TATDN2: variants seen among roughly 807,000 people sequenced by gnomAD.
The protein encoded by TATDN2 is TatD DNase domain containing 2.
A neutral mutation model predicts 60.3 loss-of-function variants in TATDN2; 44 were observed. The observed-to-expected ratio is 0.73, with a 90% CI of 0.57 to 0.94. The LOEUF is 0.94. Ranked by LOEUF, TATDN2 falls within the 40% of genes least tolerant of loss-of-function variation. The pLI, the probability that TATDN2 is intolerant of heterozygous loss-of-function variation, is 0.00. For synonymous variants in TATDN2, 399 were observed against 355.8 expected, an observed-to-expected ratio of 1.12 and a Z score of -1.37; for missense variants, 997 against 948.0, an observed-to-expected ratio of 1.05 and a Z score of -0.68.
In TATDN2 at chr3:10,249,304, C is replaced by G. The variant is rs142864918; in HGVS notation, c.104C>G (p.Ser35Cys). The G allele has an allele frequency of 8.7e-6, 14 of 1,606,950 alleles. No homozygotes were observed. Among genetic ancestry groups the G allele is most frequent in the Non-Finnish European group, 1.1e-5 (13 of 1,175,428 alleles). ...CLREPCDVAPSSRPAQRSASR... is the reference protein window; with the variant it reads ...CLREPCDVAPCSRPAQRSASR... ...CGGGAGCCCTGTGATGTGGCCCCCT[C>G]CAGCCGGCCAGCTCAGAGGTCTGCG... The change falls in exon 2 of 8, where the codon TCC becomes TGC. Residue 35 changes from serine to cysteine, a missense_variant. Ser to Cys is a moderately radical substitution (Grantham distance 112, BLOSUM62 -1). Transcript: ENST00000448281.
At chr3:10,265,051 T>C (rs1425982386) in intron 3 of TATDN2, among the ~76,000 whole-genome samples, 1 of 141,832 alleles carries the variant, frequency 7.1e-6, no homozygotes, top group Non-Finnish European at 1.5e-5. Flanking sequence ...GTGGTTTTTT[T>C]TTTTTTTTAT....
rs1698176268 is a variant in TATDN2, at chr3:10,248,961, C to T, written c.-113C>T. The T allele has an allele frequency of 2.3e-6, 1 of 429,192 alleles. No individual in the cohort carries two copies. The highest frequency in any genetic ancestry group is 4.0e-6 in the Non-Finnish European group (1 of 251,438). 26.6% of individuals were successfully genotyped at this position (429,192 alleles called of 1,614,324 possible). A position where few individuals can be genotyped will look rare whatever the true frequency, so the allele number is the denominator to read the frequency against. On this transcript the variant is annotated 5_prime_UTR_variant, in exon 1 of 8. Coordinates refer to ENST00000448281, the MANE Select transcript of TATDN2 (RefSeq NM_014760.4). ...CAGAAGCACGTTGTGGGCTTGGAAA[C>T]CGACGGCAGCCTTTAGTCAATTTTG...
At chr3:10,273,436 T>G (rs1698594132) in intron 4 of TATDN2, among the ~76,000 whole-genome samples, 1 of 152,148 alleles carries the variant, frequency 6.6e-6, no homozygotes, top group African/African-American at 2.4e-5. Flanking sequence ...TCCTGCTGAA[T>G]GTTTTATCTT....
chr3:10,280,713 C>G lies in TATDN2; in HGVS notation c.*1531C>G, dbSNP rs546547772. The G allele has an allele frequency of 6.5e-6, 1 of 153,900 alleles. No individual in the cohort carries two copies. Among genetic ancestry groups the G allele is most frequent in the South Asian group, 2.1e-4 (1 of 4,826 alleles). 9.5% of individuals were successfully genotyped at this position (153,900 alleles called of 1,614,324 possible). A position where few individuals can be genotyped will look rare whatever the true frequency, so the allele number is the denominator to read the frequency against. ...TGGAACTCAGCCTTGATTCACTGTC[C>G]GTCTTCACGGATTAGCTGTGCTGTT... On this transcript the variant is annotated 3_prime_UTR_variant, in exon 8 of 8. Transcript: ENST00000448281.
In TATDN2 at chr3:10,249,370, C is replaced by T. The variant is rs1021665733; in HGVS notation, c.170C>T (p.Ala57Val). 1.9e-6 allele frequency: 3 copies of T among 1,613,052 alleles called. No homozygotes were observed. The highest frequency in any genetic ancestry group is 1.1e-5 in the South Asian group (1 of 90,936). Residue 57 changes from alanine (A) to valine (V), a missense_variant, in exon 2 of 8, where the codon GCC (alanine) becomes GTC (valine). By Grantham distance (64) the Ala-to-Val change is moderately conservative. Coordinates refer to ENST00000448281, the MANE Select transcript of TATDN2 (RefSeq NM_014760.4). ...GGPSSPKRLK[A>V]QKEDDVACSR... is the part of the protein sequence containing the mutation. ...CCCAGCAGCCCCAAGCGCCTGAAAG[C>T]CCAGAAGGAGGACGATGTGGCTTGC...
intron 2 of TATDN2, among the ~76,000 whole-genome samples, chr3:10,251,129 G>T (rs1320802933): frequency 6.6e-6 from 1 of 152,144 alleles, no homozygotes; most frequent in African/African-American, 2.4e-5. Flanking sequence ...AATGGTTTCA[G>T]TAGAAGCACT....
intron 2 of TATDN2, among the ~76,000 whole-genome samples, chr3:10,251,019 T>C (rs1166188071): frequency 1.3e-5 from 2 of 152,118 alleles, no homozygotes; most frequent in African/African-American, 2.4e-5. Context: ...GGAACTCAGG[T>C]TTGAGGGTGT....
At chr3:10,259,886 C>A (rs1461920683) in intron 2 of TATDN2, among the ~76,000 whole-genome samples, 1 of 152,166 alleles carries the variant, frequency 6.6e-6, no homozygotes, top group African/African-American at 2.4e-5. Context: ...TGAGAGTGTT[C>A]ATTTCAGCTC....
chr3:10,279,144 A>G lies in TATDN2; in HGVS notation c.*39-77A>G, dbSNP rs773276248. 5 of 1,327,776 alleles carry G rather than the reference A, an allele frequency of 3.8e-6. No homozygotes were observed. The African/African-American group carries it at 5.9e-5, about 16-fold the overall frequency. 82.2% of individuals were successfully genotyped at this position (1,327,776 alleles called of 1,614,324 possible). A position where few individuals can be genotyped will look rare whatever the true frequency, so the allele number is the denominator to read the frequency against. On this transcript the variant is annotated intron_variant, in intron 7 of 7. Transcript: ENST00000448281. ...TTTTGTTAATGTAAAGAATATAAACATAGTATGAGCATTAAGCCTGATTTG... is the reference window on the plus strand; with the variant it reads ...TTTTGTTAATGTAAAGAATATAAACGTAGTATGAGCATTAAGCCTGATTTG...
chr3:10,276,453 GA>G lies in TATDN2; in HGVS notation c.1931del (p.Lys644SerfsTer25). 1 of 1,614,064 alleles carries G rather than the reference GA, an allele frequency of 6.2e-7. No individual in the cohort carries two copies. Among genetic ancestry groups the G allele is most frequent in the Non-Finnish European group, 8.5e-7 (1 of 1,179,986 alleles). ...EADEDLLEIMKKFVPPDYKIH... is the reference protein window; with the variant it reads ...EADEDLLEIMXKFVPPDYKIH... ...CTGATGAAGATCTGCTAGAAATCAT[GA>G]AAAAGTTTGTGCCCCCTGACTACAA... is the stretch of plus-strand genomic sequence containing the variant. On this transcript the variant is annotated frameshift_variant, in exon 5 of 8. Transcript: ENST00000448281. LOFTEE classifies it high-confidence loss of function.
chr3:10,254,922 G>A (rs1698282210), intron 2 of TATDN2, among the ~76,000 whole-genome samples: 1 of 152,116 alleles, frequency 6.6e-6, no homozygotes, highest in East Asian at 1.9e-4. Context: ...CCTCGGTGTC[G>A]TTGATCCATC....
intron 3 of TATDN2, among the ~76,000 whole-genome samples, chr3:10,264,242 C>T (rs1040845915): frequency 1.1e-4 from 16 of 152,144 alleles, no homozygotes; most frequent in Non-Finnish European, 1.9e-4. Flanking sequence ...CCCAAGGTGC[C>T]CAGTACCGCG....
chr3:10,276,229 A>G, intron 4 of TATDN2, 132 bp from the exon 5 acceptor site: 1 of 1,161,080 alleles, frequency 8.6e-7, no homozygotes, highest in Admixed American at 2.3e-5. Flanking sequence ...ACCAATAATC[A>G]TTAGCTATTA....
intron 3 of TATDN2, 89 bp from the exon 4 acceptor site, chr3:10,270,042 G>A: frequency 6.7e-7 from 1 of 1,500,368 alleles, no homozygotes; most frequent in Non-Finnish European, 8.9e-7. Flanking sequence ...AGAAGAACAA[G>A]CCAGGGTTTA....
intron 2 of TATDN2, 22 bp from the exon 3 acceptor site, chr3:10,260,114 CA>C (rs761658241): frequency 9.4e-6 from 15 of 1,590,004 alleles, no homozygotes; most frequent in Non-Finnish European, 1.3e-5. Context: ...ACAGCCCTTT[CA>C]ATTCTGTTTT....
rs761217747 is a variant in TATDN2, at chr3:10,270,427, C to T, written c.1245C>T (p.Arg415=). ...AGGTTGGGAAGAGCAGCCGGAGCCG[C>T]ATGAGTGATTATTCCCCCAACTCTA... is the stretch of plus-strand genomic sequence containing the variant. ...AAQVGKSSRS[R]MSDYSPNSTG... Residue 415 remains arginine (R), a synonymous_variant, in exon 4 of 8, where the codon CGC becomes CGT. Coordinates refer to ENST00000448281, the MANE Select transcript of TATDN2 (RefSeq NM_014760.4). 5.6e-6 allele frequency: 9 copies of T among 1,614,078 alleles called. No individual in the cohort carries two copies. In the African/African-American group the frequency reaches 1.2e-4, roughly 22 times the overall value.
In TATDN2 at chr3:10,278,963, C is replaced by T. The variant is rs1369174299; in HGVS notation, c.2224C>T (p.Gln742Ter). 1 of 1,614,132 alleles carries T rather than the reference C, an allele frequency of 6.2e-7. No individual in the cohort carries two copies. Among genetic ancestry groups the T allele is most frequent in the East Asian group, 2.2e-5 (1 of 44,890 alleles). ...TVREIARVKD[Q>*]PLSLTLAALR... The stretch of plus-strand genomic sequence containing the variant: ...CCGAGAGATTGCCAGAGTCAAAGAT[C>T]AGCCACTCTCCCTCACCTTGGCTGC... Residue 742 changes from glutamine (Q) to a stop codon, truncating the protein, a stop_gained, in exon 7 of 8, where the codon CAG becomes TAG. Transcript: ENST00000448281. LOFTEE classifies it high-confidence loss of function. The surrounding 1 kb of genome is among the most constrained non-coding windows in gnomAD (Gnocchi z 4.7).
At chr3:10,275,073 C>T (rs1211908787) in intron 4 of TATDN2, among the ~76,000 whole-genome samples, 4 of 149,428 alleles carry the variant, frequency 2.7e-5, no homozygotes, top group Admixed American at 1.3e-4. Flanking sequence ...GCAGCCTTTG[C>T]CTCCCAGGTT....
chr3:10,252,667 C>A (rs1053406102), intron 2 of TATDN2, among the ~76,000 whole-genome samples: 1 of 151,542 alleles, frequency 6.6e-6, no homozygotes, highest in African/African-American at 2.4e-5. Flanking sequence ...AGTCCTCTCA[C>A]TGCTCTCCTG....
Sources: allele counts gnomAD v4.1 joint callset (sites outside exome capture counted in the v4.1 genomes callset), GRCh38; gene constraint gnomAD v4.1.1; non-coding constraint Gnocchi (gnomAD v3.1); transcripts MANE v1.5; gene names NCBI Gene and HGNC (gene_info 2026-07-23, HGNC 2026-07-21).